The following MXI1 variants were observed in gnomAD, a reference collection of about 807,000 sequenced individuals.
The protein encoded by MXI1 is MAX interactor 1, dimerization protein.
In MXI1, 18 loss-of-function variants were observed where a neutral mutation model predicts 36.9. The observed-to-expected ratio is 0.49, with a 90% CI of 0.34 to 0.72. MXI1 has a LOEUF of 0.72. MXI1 is among the 30% of genes least tolerant of loss of function. MXI1 has a pLI of 0.01. For synonymous variants in MXI1, 160 were observed against 146.7 expected (o/e 1.09, Z -0.65); for missense variants, 304 against 379.1 (o/e 0.80, Z 1.64).
chr10:110,208,118 G>T (rs1390147889), intron 1 of MXI1, 36 bp downstream of exon 1: 4 of 1,558,252 alleles, frequency 2.6e-6, no homozygotes, highest in Non-Finnish European at 3.5e-6. Flanking sequence ...CTCGGCGCCC[G>T]GTTCTTTCTT....
At chr10:110,281,477 G>T (rs560827434) in intron 5 of MXI1, among the ~76,000 whole-genome samples, 1 of 152,194 alleles carries the variant, frequency 6.6e-6, no homozygotes, top group East Asian at 1.9e-4. Context: ...CATTGCATTT[G>T]TTTGATGTGC....
intron 3 of MXI1, among the ~76,000 whole-genome samples, chr10:110,264,368 A>AT (rs112351250): frequency 0.11 from 15,951 of 140,648 alleles, 1,263 homozygotes; most frequent in East Asian, 0.29. Flanking sequence ...TTAGTAATTG[A>AT]TTTTTTTTTT....
intron 1 of MXI1, among the ~76,000 whole-genome samples, chr10:110,215,557 C>T (rs1854617230): frequency 6.6e-6 from 1 of 152,152 alleles, no homozygotes; most frequent in Admixed American, 6.5e-5. Flanking sequence ...GGTAGAGTCC[C>T]AACCTGGGCA....
In MXI1 at chr10:110,287,300, T is replaced by A. The variant is rs1409102576; in HGVS notation, c.*2313T>A. On this transcript the variant is annotated 3_prime_UTR_variant, in exon 6 of 6. Transcript: ENST00000332674. ...GTATGAGTAAGAAGTATTAATTTTT[T>A]AAAAGACAAATCAACTTTGAAGACA... The A allele has an allele frequency of 6.6e-6, 1 of 151,974 alleles. No homozygotes were observed. The highest frequency in any genetic ancestry group is 1.5e-5 in the Non-Finnish European group (1 of 67,982). 9.4% of individuals were successfully genotyped at this position (151,974 alleles called of 1,614,324 possible). A position where few individuals can be genotyped will look rare whatever the true frequency, so the allele number is the denominator to read the frequency against.
chr10:110,245,580 A>G (rs1412022670), intron 3 of MXI1, among the ~76,000 whole-genome samples: 1 of 152,194 alleles, frequency 6.6e-6, no homozygotes, highest in African/African-American at 2.4e-5. Flanking sequence ...CAGTGTGACT[A>G]TAAAAGATTG....
chr10:110,282,812 G>GT (rs973893927), intron 5 of MXI1, among the ~76,000 whole-genome samples: 3 of 151,850 alleles, frequency 2.0e-5, no homozygotes, highest in South Asian at 2.1e-4. Context: ...ATTTTACTTT[G>GT]TTTTTTTGGG....
At chr10:110,222,573 G>C (rs1306739973) in intron 1 of MXI1, among the ~76,000 whole-genome samples, 2 of 152,166 alleles carry the variant, frequency 1.3e-5, no homozygotes, top group East Asian at 3.8e-4. Context: ...ATCGTTATAG[G>C]CCTGGGGTAT....
intron 2 of MXI1, among the ~76,000 whole-genome samples, chr10:110,236,326 C>T (rs1237959391): frequency 1.3e-5 from 2 of 151,712 alleles, no homozygotes; most frequent in Non-Finnish European, 2.9e-5. Context: ...CATCCTTATT[C>T]TAATGCCACA....
chr10:110,211,881 A>G (rs576729983), intron 1 of MXI1, among the ~76,000 whole-genome samples: 1 of 152,334 alleles, frequency 6.6e-6, no homozygotes, highest in South Asian at 2.1e-4. Context: ...ATTACCACAA[A>G]TTCAGAAATT....
intron 1 of MXI1, among the ~76,000 whole-genome samples, chr10:110,224,351 G>A (rs1315161909): frequency 2.0e-5 from 3 of 152,206 alleles, no homozygotes; most frequent in Admixed American, 1.3e-4. Context: ...CCAACTGGGG[G>A]ACAGGGGAGG....
In MXI1 at chr10:110,246,793, T is replaced by G. The variant is rs78755454; in HGVS notation, c.437+1936T>G. Among the ~76,000 whole-genome samples, 1,132 of 151,466 alleles carry G rather than the reference T, an allele frequency of 7.5e-3. 21 individuals are homozygous for G. Among genetic ancestry groups the G allele is most frequent in the African/African-American group, 0.024 (1,002 of 41,544 alleles). On this transcript the variant is annotated intron_variant, in intron 3 of 5. Transcript: ENST00000332674. ...AGTTAGTGGTAGAAACTCCTTCGTT[T>G]TAAAGAATCTTTTCTGCCTTTTATT...
intron 1 of MXI1, chr10:110,227,693 C>A: frequency 3.0e-6 from 1 of 335,052 alleles, no homozygotes; most frequent in Non-Finnish European, 4.3e-6. Context: ...TTAGCGGTGG[C>A]AGCCCAAGGG....
intron 3 of MXI1, among the ~76,000 whole-genome samples, chr10:110,245,094 G>A (rs1345422303): frequency 6.6e-6 from 1 of 152,074 alleles, no homozygotes; most frequent in Non-Finnish European, 1.5e-5. Context: ...TTTAGGTATA[G>A]CCTTTATTTC....
chr10:110,257,716 A>G (rs1458552070), intron 3 of MXI1: 4 of 201,132 alleles, frequency 2.0e-5, no homozygotes, highest in African/African-American at 7.1e-5. Context: ...TCAGAAAAAT[A>G]AGCCAAAGAG....
At chr10:110,221,470 G>A (rs1191964847) in intron 1 of MXI1, among the ~76,000 whole-genome samples, 1 of 152,198 alleles carries the variant, frequency 6.6e-6, no homozygotes, top group Non-Finnish European at 1.5e-5. Flanking sequence ...CACCCCAAGT[G>A]GGGTGCTCCA....
chr10:110,285,042 C>A lies in MXI1; in HGVS notation c.*55C>A. ...AAATATTCACTGGGCCAATTCAATA[C>A]AAACAATCTCTTAAATTGGGTTCAT... On this transcript the variant is annotated 3_prime_UTR_variant, in exon 6 of 6. Transcript: ENST00000332674. The A allele has an allele frequency of 6.7e-7, 1 of 1,491,092 alleles. No homozygotes were observed. The highest frequency in any genetic ancestry group is 2.3e-5 in the East Asian group (1 of 42,638). 92.4% of individuals were successfully genotyped at this position (1,491,092 alleles called of 1,614,324 possible).
At chr10:110,216,716 T>TGG (rs10656873) in intron 1 of MXI1, among the ~76,000 whole-genome samples, 67,110 of 130,608 alleles carry the variant, frequency 0.51, 20,280 homozygotes, top group African/African-American at 0.83. Context: ...TTACCCAGGC[T>TGG]AGTACAGTGG....
intron 1 of MXI1, among the ~76,000 whole-genome samples, chr10:110,222,078 A>T (rs1399658516): frequency 6.6e-6 from 1 of 152,194 alleles, no homozygotes; most frequent in African/African-American, 2.4e-5. Context: ...GGGCGAGGGA[A>T]AGGTTTTCTG....
At chr10:110,284,795 G>GTTT in intron 5 of MXI1, 29 bp from the exon 6 acceptor site, 2 of 1,423,532 alleles carry the variant, frequency 1.4e-6, no homozygotes, top group South Asian at 1.3e-5. Context: ...GATAATTAAT[G>GTTT]TTCTTCTTTT....
Sources: allele counts gnomAD v4.1 joint callset (sites outside exome capture counted in the v4.1 genomes callset), GRCh38; gene constraint gnomAD v4.1.1; transcripts MANE v1.5; gene names NCBI Gene and HGNC (gene_info 2026-07-23, HGNC 2026-07-21).